The following EPN2 variants were observed in gnomAD, a reference collection of about 807,000 sequenced individuals.
EPN2 encodes epsin 2.
A neutral mutation model predicts 61.7 loss-of-function variants in EPN2; 34 were observed. The observed-to-expected ratio is 0.55, with a 90% CI of 0.42 to 0.73. EPN2 has a LOEUF of 0.73. Among genes scored for constraint, EPN2 ranks in the 30% least tolerant of loss-of-function variants. The pLI, the probability that EPN2 is intolerant of heterozygous loss-of-function variation, is 0.00. For synonymous variants in EPN2, 349 were observed against 353.6 expected, an observed-to-expected ratio of 0.99 and a Z score of 0.15; for missense variants, 714 against 839.2, an observed-to-expected ratio of 0.85 and a Z score of 1.84.
At chr17:19,320,420 G>A (rs1300202796) in intron 7 of EPN2, among the ~76,000 whole-genome samples, 3 of 152,176 alleles carry the variant, frequency 2.0e-5, no homozygotes, top group South Asian at 2.1e-4. Flanking sequence ...AGGCTTGTAA[G>A]TCTGAGCTGG....
intron 1 of EPN2, among the ~76,000 whole-genome samples, chr17:19,241,620 T>A (rs2044885861): frequency 6.6e-6 from 1 of 151,514 alleles, no homozygotes; most frequent in African/African-American, 2.4e-5. Flanking sequence ...ACAAACTTTC[T>A]GATAAGTTCG....
In EPN2 at chr17:19,334,519, G is replaced by C. The variant is rs754022487; in HGVS notation, c.*265G>C. The C allele has an allele frequency of 9.0e-6, 3 of 332,450 alleles. No individual in the cohort carries two copies. Among genetic ancestry groups the C allele is most frequent in the African/African-American group, 2.1e-5 (1 of 47,238 alleles). The allele number at this position is 332,450 out of a possible 1,614,324, so 20.6% of individuals were successfully genotyped here. Reference sequence around the variant, plus strand: ...CTCCTCTGAGGCCTTGGACGAGGACGTGGAGTCATCAGTGTTGCCCTTGCC... The same window carrying C: ...CTCCTCTGAGGCCTTGGACGAGGACCTGGAGTCATCAGTGTTGCCCTTGCC... On this transcript the variant is annotated 3_prime_UTR_variant, in exon 11 of 11. Coordinates refer to ENST00000314728, the MANE Select transcript of EPN2 (RefSeq NM_014964.5). This position sits in a 1 kb window ranked among gnomAD's most constrained non-coding sequence, Gnocchi z 4.9.
chr17:19,271,625 C>T (rs59785929), intron 1 of EPN2: 1 of 152,326 alleles, frequency 6.6e-6, no homozygotes, highest in Non-Finnish European at 1.5e-5. Context: ...CCACCAGTCC[C>T]TGCAAGTAAC....
intron 4 of EPN2, among the ~76,000 whole-genome samples, chr17:19,287,310 G>T (rs2152219179): frequency 6.6e-6 from 1 of 152,206 alleles, no homozygotes; most frequent in African/African-American, 2.4e-5. Context: ...TTGTCCTTCA[G>T]CCCTGATAGG....
At chr17:19,278,708 G>A (rs2045332738) in intron 1 of EPN2, among the ~76,000 whole-genome samples, 1 of 152,192 alleles carries the variant, frequency 6.6e-6, no homozygotes, top group Non-Finnish European at 1.5e-5. Context: ...GAGAGCAGTG[G>A]TGCCATCTCA....
chr17:19,295,295 C>T (rs766369604), intron 4 of EPN2, among the ~76,000 whole-genome samples: 12 of 151,696 alleles, frequency 7.9e-5, no homozygotes, highest in Non-Finnish European at 1.5e-4. Flanking sequence ...GGCAGGAGTT[C>T]GAGACTAGCC....
At chr17:19,281,309 A>G (rs530562672) in intron 1 of EPN2, among the ~76,000 whole-genome samples, 59 of 152,322 alleles carry the variant, frequency 3.9e-4, no homozygotes, top group Admixed American at 1.6e-3. Context: ...CCCTCAGTCA[A>G]TCATTCACAT....
chr17:19,289,129 G>C (rs985630978), intron 4 of EPN2, among the ~76,000 whole-genome samples: 3 of 130,316 alleles, frequency 2.3e-5, no homozygotes, highest in Non-Finnish European at 4.6e-5. Flanking sequence ...CTGTCACCCA[G>C]GCTGGAGTGC....
At chr17:19,266,493 C>G (rs2045199488) in intron 1 of EPN2, among the ~76,000 whole-genome samples, 1 of 152,010 alleles carries the variant, frequency 6.6e-6, no homozygotes, top group South Asian at 2.1e-4. Context: ...AGCTCCGCCT[C>G]CCGGGTTCGT....
At chr17:19,275,907 C>T (rs1301327184) in intron 1 of EPN2, among the ~76,000 whole-genome samples, 1 of 152,166 alleles carries the variant, frequency 6.6e-6, no homozygotes, top group African/African-American at 2.4e-5. Flanking sequence ...TTCAGAAGGC[C>T]TGACAATTTC....
At chr17:19,253,410 CTTTTTTTTTTT>C (rs59492982) in intron 1 of EPN2, among the ~76,000 whole-genome samples, 3 of 101,856 alleles carry the variant, frequency 2.9e-5, no homozygotes, top group Non-Finnish European at 5.7e-5. Flanking sequence ...TAAATAGTTG[CTTTTTTTTTTT>C]TTTTTTTTTT....
chr17:19,266,982 C>A (rs73308461), intron 1 of EPN2, among the ~76,000 whole-genome samples: 2 of 147,086 alleles, frequency 1.4e-5, no homozygotes, highest in South Asian at 4.6e-4. Flanking sequence ...GTCAGGAGAT[C>A]GAGATAGCCA....
At chr17:19,293,718 C>T (rs1199443087) in intron 4 of EPN2, among the ~76,000 whole-genome samples, 1 of 151,800 alleles carries the variant, frequency 6.6e-6, no homozygotes, top group African/African-American at 2.4e-5. Flanking sequence ...CCTAATTAAA[C>T]CATTATTTAA....
chr17:19,265,699 G>T lies in EPN2; in HGVS notation c.-293-16256G>T, dbSNP rs115208201. Among the ~76,000 whole-genome samples the T allele has an allele frequency of 1.5e-3, 232 of 152,162 alleles. 4 individuals carry two copies. The highest frequency in any genetic ancestry group is 5.2e-3 in the African/African-American group (217 of 41,504). Reference sequence around the variant, plus strand: ...CTGCTCCTCTGAGATGAACATGTTGGCCACAGTGCCCCTCCTGTGCCCTGG... The same window carrying T: ...CTGCTCCTCTGAGATGAACATGTTGTCCACAGTGCCCCTCCTGTGCCCTGG... On this transcript the variant is annotated intron_variant, in intron 1 of 10. Transcript: ENST00000314728.
intron 10 of EPN2, among the ~76,000 whole-genome samples, chr17:19,333,551 T>C (rs1907260398): frequency 6.6e-6 from 1 of 152,172 alleles, no homozygotes; most frequent in South Asian, 2.1e-4. Flanking sequence ...CCTGGGTGCA[T>C]TGTGGGCACT....
chr17:19,307,954 T>G, intron 4 of EPN2: 2 of 985,372 alleles, frequency 2.0e-6, no homozygotes, highest in Non-Finnish European at 2.4e-6. Context: ...AGGAAAACCC[T>G]AAGAAGCAAA....
intron 1 of EPN2, among the ~76,000 whole-genome samples, chr17:19,269,301 G>A (rs1386902265): frequency 6.6e-6 from 1 of 152,202 alleles, no homozygotes; most frequent in Non-Finnish European, 1.5e-5. Context: ...GTCTCCAGCA[G>A]AGGAGGAAAG....
At chr17:19,273,699 A>G (rs1294617392) in intron 1 of EPN2, among the ~76,000 whole-genome samples, 1 of 152,090 alleles carries the variant, frequency 6.6e-6, no homozygotes, top group Non-Finnish European at 1.5e-5. Flanking sequence ...ACAAGAAGTC[A>G]TCAGAATATA....
chr17:19,292,673 G>A (rs1478660609), intron 4 of EPN2, among the ~76,000 whole-genome samples: 1 of 152,254 alleles, frequency 6.6e-6, no homozygotes, highest in African/African-American at 2.4e-5. Context: ...AAGGGCTTGG[G>A]TTTTAAGTGG....
Sources: allele counts gnomAD v4.1 joint callset (sites outside exome capture counted in the v4.1 genomes callset), GRCh38; gene constraint gnomAD v4.1.1; non-coding constraint Gnocchi (gnomAD v3.1); transcripts MANE v1.5; gene names NCBI Gene and HGNC (gene_info 2026-07-23, HGNC 2026-07-21).